Variants in KCNQ3 observed in about 807,000 individuals in gnomAD.
KCNQ3 encodes the protein potassium voltage-gated channel subfamily KQT member 3.
In KCNQ3, 30 loss-of-function variants were observed where a neutral mutation model predicts 92.5. That is an observed-to-expected ratio of 0.32 (90% CI 0.24 to 0.44). The LOEUF (loss-of-function observed/expected upper bound fraction) is 0.44. Ranked by LOEUF, KCNQ3 falls within the 20% of genes least tolerant of loss-of-function variation. KCNQ3 has a pLI of 1.00. For missense variants in KCNQ3, 913 were observed against 1,140.3 expected (o/e 0.80, Z 2.87); for synonymous variants, 450 against 468.8 (o/e 0.96, Z 0.52).
intron 1 of KCNQ3, among the ~76,000 whole-genome samples, chr8:132,399,527 T>C (rs933004436): frequency 7.2e-5 from 11 of 152,066 alleles, no homozygotes; most frequent in African/African-American, 2.4e-4. Context: ...CCTCCACCCC[T>C]GGAAGAAAAT....
intron 1 of KCNQ3, among the ~76,000 whole-genome samples, chr8:132,352,363 G>A (rs1226169554): frequency 2.0e-5 from 3 of 152,156 alleles, no homozygotes; most frequent in Non-Finnish European, 2.9e-5. Flanking sequence ...CGTCTAGTGT[G>A]CAAGGATGCT....
intron 1 of KCNQ3, among the ~76,000 whole-genome samples, chr8:132,277,381 T>C (rs1816367399): frequency 6.6e-6 from 1 of 152,188 alleles, no homozygotes; most frequent in Non-Finnish European, 1.5e-5. Flanking sequence ...TATCAGTGTT[T>C]GCTCAGCCCT....
At chr8:132,208,202 G>T (rs1353799383) in intron 1 of KCNQ3, among the ~76,000 whole-genome samples, 1 of 152,126 alleles carries the variant, frequency 6.6e-6, no homozygotes, top group African/African-American at 2.4e-5. Context: ...CTGCCCTTAA[G>T]ATATGCATGG....
intron 1 of KCNQ3, among the ~76,000 whole-genome samples, chr8:132,453,010 C>G (rs1213459186): frequency 3.5e-5 from 1 of 28,938 alleles, no homozygotes; most frequent in Non-Finnish European, 7.3e-5. Context: ...AAAATGAAGA[C>G]TGGCTGAGAG....
intron 1 of KCNQ3, among the ~76,000 whole-genome samples, chr8:132,342,460 G>A (rs947768272): frequency 2.6e-5 from 4 of 152,268 alleles, no homozygotes; most frequent in Admixed American, 6.5e-5. Context: ...GGCAGCCCAC[G>A]GGCAAAATTT....
intron 1 of KCNQ3, among the ~76,000 whole-genome samples, chr8:132,406,790 TC>T (rs1242622226): frequency 6.6e-6 from 1 of 152,180 alleles, no homozygotes; most frequent in Non-Finnish European, 1.5e-5. Flanking sequence ...GACTCCGACT[TC>T]AAGAGTCAAC....
chr8:132,448,502 G>GAAAAAAAAAAAAAAAAAAAAA, intron 1 of KCNQ3, among the ~76,000 whole-genome samples: 102 of 93,832 alleles, frequency 1.1e-3, no homozygotes, highest in East Asian at 2.6e-3. Flanking sequence ...GGAGAAATAT[G>GAAAAAAAAAAAAAAAAAAAAA]AAAAAAAAAA....
At chr8:132,316,112 T>C (rs1226589867) in intron 1 of KCNQ3, among the ~76,000 whole-genome samples, 1 of 152,146 alleles carries the variant, frequency 6.6e-6, no homozygotes, top group Non-Finnish European at 1.5e-5. Flanking sequence ...TTTTCCTGAA[T>C]TACTGGTATT....
At chr8:132,210,877 C>A (rs1003308491) in intron 1 of KCNQ3, among the ~76,000 whole-genome samples, 3 of 152,220 alleles carry the variant, frequency 2.0e-5, no homozygotes, top group Admixed American at 6.5e-5. Flanking sequence ...GTATCTACAT[C>A]ATGGGGTGGT....
intron 1 of KCNQ3, among the ~76,000 whole-genome samples, chr8:132,387,717 T>C (rs1819924799): frequency 6.6e-6 from 1 of 152,088 alleles, no homozygotes; most frequent in Admixed American, 6.6e-5. Context: ...AAAGAAGAAA[T>C]AGGCTGGGCC....
intron 1 of KCNQ3, among the ~76,000 whole-genome samples, chr8:132,268,154 T>C (rs2130490506): frequency 6.6e-6 from 1 of 152,352 alleles, no homozygotes; most frequent in Admixed American, 6.5e-5. Context: ...GTTCTATCTC[T>C]TCTAGAATGT....
intron 1 of KCNQ3, among the ~76,000 whole-genome samples, chr8:132,427,278 G>A (rs1369968295): frequency 6.6e-6 from 1 of 152,142 alleles, no homozygotes; most frequent in East Asian, 1.9e-4. Context: ...GAGCCCTAGG[G>A]TTCTAGTCAG....
At chr8:132,442,459 T>G (rs893761421) in intron 1 of KCNQ3, among the ~76,000 whole-genome samples, 2 of 152,164 alleles carry the variant, frequency 1.3e-5, no homozygotes, top group Non-Finnish European at 2.9e-5. Context: ...GCAGAACCAT[T>G]TGGTGTGGGT....
At chr8:132,283,092 CGTGTGTGT>C (rs1195934839) in intron 1 of KCNQ3, among the ~76,000 whole-genome samples, 1 of 130,608 alleles carries the variant, frequency 7.7e-6, no homozygotes, top group African/African-American at 3.0e-5. Context: ...CTCTCTCTCT[CGTGTGTGT>C]GTGTGTGTGT....
intron 1 of KCNQ3, among the ~76,000 whole-genome samples, chr8:132,325,029 T>G (rs57147000): frequency 0.016 from 2,493 of 152,040 alleles, 72 homozygotes; most frequent in African/African-American, 0.057. Flanking sequence ...TCAGGGCAGC[T>G]TGTTCCCTGG....
intron 9 of KCNQ3, among the ~76,000 whole-genome samples, chr8:132,151,850 C>T (rs1045402500): frequency 1.1e-4 from 17 of 152,132 alleles, no homozygotes; most frequent in South Asian, 2.1e-4. Flanking sequence ...GACATGTTTA[C>T]GTACATGGGA....
At chr8:132,434,075 G>A in intron 1 of KCNQ3, among the ~76,000 whole-genome samples, 1 of 150,482 alleles carries the variant, frequency 6.6e-6, no homozygotes, top group East Asian at 2.0e-4. Flanking sequence ...GGGCGTAGTG[G>A]CGGGCGCCTG....
chr8:132,155,771 T>A (rs1825781915), intron 9 of KCNQ3, among the ~76,000 whole-genome samples: 1 of 152,144 alleles, frequency 6.6e-6, no homozygotes, highest in Admixed American at 6.5e-5. Flanking sequence ...CTTCTAGAGA[T>A]AAGGGACCTT....
At chr8:132,347,895 T>C (rs1818743462) in intron 1 of KCNQ3, among the ~76,000 whole-genome samples, 1 of 144,386 alleles carries the variant, frequency 6.9e-6, no homozygotes, top group Non-Finnish European at 1.5e-5. Context: ...GAGAATGGCG[T>C]GAACCTGGGA....
Sources: allele counts gnomAD v4.1 joint callset (sites outside exome capture counted in the v4.1 genomes callset), GRCh38; gene constraint gnomAD v4.1.1; transcripts MANE v1.5; gene names NCBI Gene and HGNC (gene_info 2026-07-23, HGNC 2026-07-21).